The following FSHR variants were observed in gnomAD, a reference collection of about 807,000 sequenced individuals.
The protein encoded by FSHR is follicle stimulating hormone receptor, also known as follicle-stimulating hormone receptor.
FSHR carries 46 observed loss-of-function variants against 52.1 expected under a neutral mutation model. The observed-to-expected ratio is 0.88, with a 90% confidence interval of 0.70 to 1.13. The LOEUF (loss-of-function observed/expected upper bound fraction) is 1.13. FSHR is among the 50% of genes most tolerant of loss of function. The pLI is 0.00. For synonymous variants in FSHR, 399 were observed against 309.6 expected, an observed-to-expected ratio of 1.29 and a Z score of -3.03; for missense variants, 964 against 834.6, an observed-to-expected ratio of 1.16 and a Z score of -1.91.
intron 1 of FSHR, among the ~76,000 whole-genome samples, chr2:49,090,955 T>A (rs191696805): frequency 2.2e-4 from 33 of 152,110 alleles, no homozygotes; most frequent in African/African-American, 7.2e-4. Flanking sequence ...ATTAAAAAAA[T>A]TTTTTTTCTT....
chr2:49,090,677 A>G (rs556233680), intron 1 of FSHR, among the ~76,000 whole-genome samples: 12 of 152,344 alleles, frequency 7.9e-5, no homozygotes, highest in Non-Finnish European at 1.5e-4. Flanking sequence ...TTGACTACAT[A>G]AAAAGTTGCT....
At chr2:49,038,662 T>G (rs1475498320) in intron 2 of FSHR, among the ~76,000 whole-genome samples, 1 of 145,840 alleles carries the variant, frequency 6.9e-6, no homozygotes, top group African/African-American at 2.5e-5. Context: ...ATAATAATAA[T>G]AATAATAATA....
intron 1 of FSHR, among the ~76,000 whole-genome samples, chr2:49,151,291 T>C (rs540671030): frequency 5.3e-4 from 80 of 152,142 alleles, no homozygotes; most frequent in African/African-American, 1.9e-3. Context: ...GCTACTCAAC[T>C]TTTTTGTGCT....
At chr2:49,148,343 G>A (rs1222849086) in intron 1 of FSHR, among the ~76,000 whole-genome samples, 2 of 151,904 alleles carry the variant, frequency 1.3e-5, no homozygotes, top group Non-Finnish European at 2.9e-5. Context: ...AAAAAGCAAG[G>A]AAAATAAGAA....
intron 2 of FSHR, among the ~76,000 whole-genome samples, chr2:49,059,255 A>G (rs141451251): frequency 4.7e-4 from 71 of 152,238 alleles, no homozygotes; most frequent in Non-Finnish European, 8.2e-4. Context: ...GCCGTCATTC[A>G]CAGAAGTAGA....
intron 4 of FSHR, among the ~76,000 whole-genome samples, chr2:48,991,581 G>A (rs1675782570): frequency 6.6e-6 from 1 of 152,152 alleles, no homozygotes; most frequent in Non-Finnish European, 1.5e-5. Context: ...ATCTCTCACA[G>A]TGGTGCCCAA....
chr2:48,993,762 G>A (rs1470511815), intron 4 of FSHR, among the ~76,000 whole-genome samples: 2 of 152,138 alleles, frequency 1.3e-5, no homozygotes, highest in African/African-American at 2.4e-5. Flanking sequence ...TTCCTCAGCT[G>A]TATTAAGTTC....
intron 1 of FSHR, among the ~76,000 whole-genome samples, chr2:49,111,744 C>T (rs1296238591): frequency 6.6e-6 from 1 of 152,094 alleles, no homozygotes; most frequent in African/African-American, 2.4e-5. Context: ...ACAGAAGGCT[C>T]TGGGAACCAT....
chr2:49,083,043 T>A (rs2103662008), intron 1 of FSHR, among the ~76,000 whole-genome samples: 1 of 150,764 alleles, frequency 6.6e-6, no homozygotes, highest in Non-Finnish European at 1.5e-5. Context: ...TACATAATTG[T>A]CAGATTCACC....
intron 1 of FSHR, among the ~76,000 whole-genome samples, chr2:49,106,221 A>T (rs1671214600): frequency 6.6e-6 from 1 of 152,166 alleles, no homozygotes; most frequent in African/African-American, 2.4e-5. Context: ...ACAAGATGAC[A>T]TTTGAAGTGC....
At chr2:49,068,541 A>G (rs998641316) in intron 1 of FSHR, among the ~76,000 whole-genome samples, 3 of 152,058 alleles carry the variant, frequency 2.0e-5, no homozygotes, top group Admixed American at 6.6e-5. Context: ...CACATGGCTG[A>G]TACATGACAG....
chr2:49,068,630 C>G (rs1290747027), intron 1 of FSHR, among the ~76,000 whole-genome samples: 9 of 152,094 alleles, frequency 5.9e-5, no homozygotes, highest in Non-Finnish European at 1.2e-4. Flanking sequence ...TTCTCTTCCT[C>G]TACTCCAACC....
At chr2:49,095,493 C>T (rs1394760207) in intron 1 of FSHR, among the ~76,000 whole-genome samples, 1 of 152,092 alleles carries the variant, frequency 6.6e-6, no homozygotes, top group East Asian at 1.9e-4. Flanking sequence ...GATTAAAGAT[C>T]AAATTGTAAG....
At chr2:49,145,174 T>C (rs17038347) in intron 1 of FSHR, among the ~76,000 whole-genome samples, 20,893 of 152,138 alleles carry the variant, frequency 0.14, 1,492 homozygotes, top group East Asian at 0.23. Flanking sequence ...AAGAAAACAA[T>C]GCAGCCTACG....
At chr2:49,023,965 T>C (rs1460444786) in intron 2 of FSHR, among the ~76,000 whole-genome samples, 1 of 151,716 alleles carries the variant, frequency 6.6e-6, no homozygotes, top group Non-Finnish European at 1.5e-5. Context: ...TTTTCCAATA[T>C]TGAGGACTTT....
rs1216883387 is a variant in FSHR, at chr2:49,021,874, TATATATATATATAGAGAGAG to T, written c.225-1734_225-1715del. On this transcript the variant is annotated intron_variant, in intron 2 of 9. Transcript: ENST00000406846. ...CTCTCTCTCTCTCTCTATATATATATATATATATATATAGAGAGAGAGAGAGAGAGAGAGAGAGAGAGAGA... is the reference window on the plus strand; with the variant it reads ...CTCTCTCTCTCTCTCTATATATATATAGAGAGAGAGAGAGAGAGAGAGAGA... Among the ~76,000 whole-genome samples, 44 of 56,776 alleles carry T rather than the reference TATATATATATATAGAGAGAG, an allele frequency of 7.7e-4. 2 individuals carry two copies. The East Asian group carries it at 0.044, about 56-fold the overall frequency. 37.2% of individuals were successfully genotyped at this position (56,776 alleles called of 152,430 possible). A position where few individuals can be genotyped will look rare whatever the true frequency, so the allele number is the denominator to read the frequency against.
chr2:49,063,115 A>G (rs1162050064), intron 2 of FSHR, among the ~76,000 whole-genome samples: 1 of 152,148 alleles, frequency 6.6e-6, no homozygotes, highest in Non-Finnish European at 1.5e-5. Flanking sequence ...GAGGCCCTAA[A>G]TGCCCAGGAG....
chr2:49,123,724 G>T (rs561476604), intron 1 of FSHR, among the ~76,000 whole-genome samples: 1 of 152,142 alleles, frequency 6.6e-6, no homozygotes, highest in African/African-American at 2.4e-5. Context: ...CTTCCATTCA[G>T]TGTTTCTCCC....
At chr2:49,068,120 G>A in intron 2 of FSHR, 99 bp downstream of exon 2, 3 of 900,908 alleles carry the variant, frequency 3.3e-6, no homozygotes, top group South Asian at 2.6e-5. Context: ...GACCATGTCA[G>A]TTCGGCTACT....
Sources: gnomAD v4.1 joint callset for allele counts (sites outside exome capture counted in the v4.1 genomes callset) on GRCh38, gnomAD v4.1.1 for gene constraint, MANE v1.5 for transcripts, NCBI Gene and HGNC (gene_info 2026-07-23, HGNC 2026-07-21) for gene names.